Variants in ABLIM1 observed in about 807,000 individuals in gnomAD.
The protein encoded by ABLIM1 is actin-binding LIM protein 1.
Under a neutral mutation model 107.0 loss-of-function variants are expected in ABLIM1, and 40 were observed. The observed-to-expected ratio is 0.37, with a 90% confidence interval of 0.29 to 0.49. The LOEUF (loss-of-function observed/expected upper bound fraction) is 0.49, where lower values mean the gene tolerates loss of function less well. Ranked by LOEUF, ABLIM1 falls within the 20% of genes least tolerant of loss-of-function variation. The probability of loss-of-function intolerance (pLI) is 0.97; values close to 1 mark genes in which losing one functional copy is unlikely to be tolerated. For synonymous variants in ABLIM1, 357 were observed against 357.3 expected (o/e 1.00, Z 0.01); for missense variants, 857 against 1,008.5 (o/e 0.85, Z 2.04).
intron 1 of ABLIM1, among the ~76,000 whole-genome samples, chr10:114,718,109 A>G (rs1591878713): frequency 6.9e-5 from 3 of 43,384 alleles, no homozygotes; most frequent in East Asian, 5.2e-4. Flanking sequence ...GAAAAAGAAA[A>G]AGAAAGAAAG....
intron 6 of ABLIM1, among the ~76,000 whole-genome samples, chr10:114,527,101 G>C (rs565840622): frequency 6.6e-6 from 1 of 152,246 alleles, no homozygotes; most frequent in East Asian, 1.9e-4. Flanking sequence ...TTGTCCCTGA[G>C]GCATAAGCTT....
intron 5 of ABLIM1, among the ~76,000 whole-genome samples, chr10:114,545,715 A>G (rs1439035243): frequency 3.3e-5 from 5 of 152,034 alleles, no homozygotes; most frequent in Admixed American, 3.3e-4. Context: ...AACTGAGGTC[A>G]GGAGTTTGAG....
At chr10:114,662,828 G>T (rs1415583351), upstream of ABLIM1, among the ~76,000 whole-genome samples, 3 of 152,200 alleles carry the variant, frequency 2.0e-5, no homozygotes, top group Non-Finnish European at 4.4e-5. Context: ...CAGGCACCAA[G>T]TGTCTCAAAT....
chr10:114,552,655 A>C (rs936858117), intron 4 of ABLIM1, among the ~76,000 whole-genome samples: 1 of 152,226 alleles, frequency 6.6e-6, no homozygotes, highest in Non-Finnish European at 1.5e-5. Context: ...CATTTTGTTC[A>C]AAGGCAATTA....
At chr10:114,498,162 CTATT>C (rs2059940432) in intron 6 of ABLIM1, among the ~76,000 whole-genome samples, 1 of 152,152 alleles carries the variant, frequency 6.6e-6, no homozygotes, top group African/African-American at 2.4e-5. Context: ...AAATATGTCA[CTATT>C]TAACATCTCC....
chr10:114,632,684 T>G, intron 1 of ABLIM1: 1 of 985,368 alleles, frequency 1.0e-6, no homozygotes, highest in Non-Finnish European at 1.2e-6. Flanking sequence ...AGGATCCAAT[T>G]CAGGATCAAA....
chr10:114,591,949 G>A (rs918445378), intron 2 of ABLIM1, among the ~76,000 whole-genome samples: 2 of 152,020 alleles, frequency 1.3e-5, no homozygotes, highest in Admixed American at 6.6e-5. Flanking sequence ...CTTTTGGATT[G>A]GGGATATTCA....
intron 1 of ABLIM1, among the ~76,000 whole-genome samples, chr10:114,606,114 G>A (rs1304016461): frequency 6.6e-6 from 1 of 152,130 alleles, no homozygotes; most frequent in Non-Finnish European, 1.5e-5. Flanking sequence ...ACCTCTCTCT[G>A]GGGGACAGAC....
intron 12 of ABLIM1, among the ~76,000 whole-genome samples, chr10:114,461,416 A>G (rs1004983738): frequency 6.6e-5 from 10 of 151,844 alleles, no homozygotes; most frequent in African/African-American, 2.4e-4. Context: ...TTTAAGAAAA[A>G]AAAACAGCAT....
intron 1 of ABLIM1, among the ~76,000 whole-genome samples, chr10:114,748,621 A>G (rs141415090): frequency 1.7e-3 from 260 of 151,670 alleles, no homozygotes; most frequent in African/African-American, 6.1e-3. Context: ...CATAACACAA[A>G]ATACCATGCA....
chr10:114,436,395 A>C, intron 22 of ABLIM1, 22 bp from the exon 23 acceptor site: 2 of 1,568,286 alleles, frequency 1.3e-6, no homozygotes, highest in Non-Finnish European at 1.7e-6. Flanking sequence ...AAAAAAAAAA[A>C]AGAGCTGCTG....
upstream of ABLIM1, among the ~76,000 whole-genome samples, chr10:114,687,350 G>C (rs1303169044): frequency 6.6e-6 from 1 of 152,198 alleles, no homozygotes; most frequent in Admixed American, 6.5e-5. Flanking sequence ...AAGGGTTTTA[G>C]AGATAATTTC....
chr10:114,719,613 T>G (rs1291719545), intron 1 of ABLIM1, among the ~76,000 whole-genome samples: 2 of 152,234 alleles, frequency 1.3e-5, no homozygotes, highest in African/African-American at 4.8e-5. Context: ...CATCTCTCTC[T>G]GTGCCCAGGT....
intron 1 of ABLIM1, among the ~76,000 whole-genome samples, chr10:114,766,690 G>A (rs2082902149): frequency 6.6e-6 from 1 of 152,198 alleles, no homozygotes; most frequent in Non-Finnish European, 1.5e-5. Flanking sequence ...ACCTCAGAGA[G>A]ATTTACAACT....
At chr10:114,570,400 T>C (rs1591296710) in intron 4 of ABLIM1, among the ~76,000 whole-genome samples, 3 of 151,648 alleles carry the variant, frequency 2.0e-5, no homozygotes, top group Non-Finnish European at 4.4e-5. Flanking sequence ...TCCCCAGATA[T>C]ATGTGCAGCT....
intron 1 of ABLIM1, among the ~76,000 whole-genome samples, chr10:114,628,122 CAA>C (rs1449696884): frequency 2.2e-5 from 3 of 136,254 alleles, no homozygotes; most frequent in African/African-American, 2.7e-5. Flanking sequence ...AACTCTGTTT[CAA>C]AAAAAAAAAA....
At chr10:114,493,810 G>A (rs2059326130) in intron 6 of ABLIM1, among the ~76,000 whole-genome samples, 1 of 152,178 alleles carries the variant, frequency 6.6e-6, no homozygotes, top group Admixed American at 6.5e-5. Context: ...ACTAAATATT[G>A]TAAAGATGCT....
chr10:114,613,611 C>A, intron 1 of ABLIM1: 1 of 1,189,196 alleles, frequency 8.4e-7, no homozygotes, highest in Non-Finnish European at 1.1e-6. Flanking sequence ...TCTGAAAAGG[C>A]ACTCTTGCTC....
At chr10:114,636,044 C>T (rs1472478700) in intron 1 of ABLIM1, among the ~76,000 whole-genome samples, 2 of 152,092 alleles carry the variant, frequency 1.3e-5, no homozygotes, top group Admixed American at 6.6e-5. Context: ...CACCATCTAG[C>T]GGAGGAGATA....
Sources: allele counts gnomAD v4.1 joint callset (sites outside exome capture counted in the v4.1 genomes callset), GRCh38; gene constraint gnomAD v4.1.1; transcripts MANE v1.5; gene names NCBI Gene and HGNC (gene_info 2026-07-23, HGNC 2026-07-21).